THSD4: variants seen among roughly 807,000 people sequenced by gnomAD.
THSD4 encodes thrombospondin type-1 domain-containing protein 4.
THSD4 carries 69 observed loss-of-function variants against 119.0 expected under a neutral mutation model. The observed-to-expected ratio is 0.58, with a 90% confidence interval of 0.48 to 0.71. The LOEUF (loss-of-function observed/expected upper bound fraction) is 0.71. THSD4 is among the 30% of genes least tolerant of loss of function. The pLI, the probability that THSD4 is intolerant of heterozygous loss-of-function variation, is 0.00. For synonymous variants in THSD4, 524 were observed against 540.4 expected, an observed-to-expected ratio of 0.97 and a Z score of 0.42; for missense variants, 1,393 against 1,391.1, an observed-to-expected ratio of 1.00 and a Z score of -0.02.
At chr15:71,136,005 T>TTTTG (rs2040548793) in intron 1 of THSD4, among the ~76,000 whole-genome samples, 1 of 145,852 alleles carries the variant, frequency 6.9e-6, no homozygotes, top group African/African-American at 2.5e-5. Flanking sequence ...TTTTTTTTTT[T>TTTTG]TTTTTTTTTT....
intron 6 of THSD4, among the ~76,000 whole-genome samples, chr15:71,326,755 A>G (rs1299055489): frequency 8.5e-6 from 1 of 117,598 alleles, no homozygotes; most frequent in East Asian, 2.7e-4. Context: ...CATGCTTGTT[A>G]TCCCAGTTAC....
At chr15:71,758,162 T>C in intron 15 of THSD4, 87 bp downstream of exon 15, 1 of 1,436,572 alleles carries the variant, frequency 7.0e-7, no homozygotes. Context: ...TTGTGTCAGG[T>C]GTCCCAGCTT....
chr15:71,452,013 C>T (rs953692274), intron 7 of THSD4, among the ~76,000 whole-genome samples: 1 of 152,130 alleles, frequency 6.6e-6, no homozygotes, highest in African/African-American at 2.4e-5. Flanking sequence ...CCAGCCTTCC[C>T]TCAGGACCCT....
At chr15:71,284,203 T>C (rs1205953377) in intron 6 of THSD4, among the ~76,000 whole-genome samples, 4 of 152,160 alleles carry the variant, frequency 2.6e-5, no homozygotes, top group African/African-American at 7.2e-5. Flanking sequence ...TGTATGCCTG[T>C]TTGTCTTAAT....
At chr15:71,701,774 G>GA (rs1327540212) in intron 8 of THSD4, among the ~76,000 whole-genome samples, 1 of 152,084 alleles carries the variant, frequency 6.6e-6, no homozygotes, top group African/African-American at 2.4e-5. Context: ...AGATCTGGAA[G>GA]GATTCTCACT....
At position 71,704,925 on chromosome 15, in the gene THSD4, T is replaced by C. The variant is rs1053298784; in HGVS notation, c.1358-23624T>C. Among the ~76,000 whole-genome samples the C allele has an allele frequency of 5.3e-5, 8 of 152,120 alleles. No individual in the cohort carries two copies. In the South Asian group the frequency reaches 8.3e-4, roughly 16 times the overall value. On this transcript the variant is annotated intron_variant, in intron 8 of 17. Transcript: ENST00000261862. Reference sequence around the variant, plus strand: ...CATCTTCACGGACTCTGATGTAAAGTGTTTGGCCTAGGGAAGGAATAAAAA... The same window carrying C: ...CATCTTCACGGACTCTGATGTAAAGCGTTTGGCCTAGGGAAGGAATAAAAA...
At chr15:71,612,673 G>A (rs1360755054) in intron 7 of THSD4, among the ~76,000 whole-genome samples, 1 of 152,196 alleles carries the variant, frequency 6.6e-6, no homozygotes, top group African/African-American at 2.4e-5. Flanking sequence ...TCTCATGTCT[G>A]CTATGCCTTC....
At chr15:71,350,089 G>A (rs941584655) in intron 6 of THSD4, among the ~76,000 whole-genome samples, 3 of 149,704 alleles carry the variant, frequency 2.0e-5, no homozygotes, top group African/African-American at 7.4e-5. Flanking sequence ...TCCTTGCCCA[G>A]CTGGGGAGAT....
intron 7 of THSD4, among the ~76,000 whole-genome samples, chr15:71,608,249 T>TATACACACACACACACAC (rs772729777): frequency 1.9e-5 from 2 of 106,240 alleles, no homozygotes; most frequent in Admixed American, 2.3e-4. Flanking sequence ...TATATATATA[T>TATACACACACACACACAC]ACACACACAC....
At chr15:71,279,606 G>A (rs2044628783) in intron 6 of THSD4, among the ~76,000 whole-genome samples, 1 of 152,120 alleles carries the variant, frequency 6.6e-6, no homozygotes, top group Non-Finnish European at 1.5e-5. Context: ...TGGGGCATCC[G>A]TACCGCCCTG....
intron 6 of THSD4, among the ~76,000 whole-genome samples, chr15:71,296,019 T>C (rs1272183192): frequency 6.6e-6 from 1 of 152,230 alleles, no homozygotes; most frequent in Non-Finnish European, 1.5e-5. Flanking sequence ...CTCAATAATA[T>C]GGCAATTGTA....
chr15:71,652,591 G>A (rs1222854613), intron 7 of THSD4, among the ~76,000 whole-genome samples: 2 of 152,288 alleles, frequency 1.3e-5, no homozygotes, highest in East Asian at 3.9e-4. Context: ...AATTGGGGGA[G>A]GTGGTAATTA....
At chr15:71,199,513 T>TG (rs2043753122) in intron 3 of THSD4, among the ~76,000 whole-genome samples, 1 of 106,094 alleles carries the variant, frequency 9.4e-6, no homozygotes, top group Non-Finnish European at 1.9e-5. Context: ...TGTGTGTGTG[T>TG]GGGGTGTGTG....
intron 3 of THSD4, among the ~76,000 whole-genome samples, chr15:71,204,892 T>G (rs2043831009): frequency 6.6e-6 from 1 of 152,118 alleles, no homozygotes; most frequent in African/African-American, 2.4e-5. Context: ...GAAGGGGTGG[T>G]TCAAAATGCA....
At chr15:71,337,116 C>T (rs1223003945) in intron 6 of THSD4, among the ~76,000 whole-genome samples, 1 of 152,148 alleles carries the variant, frequency 6.6e-6, no homozygotes, top group Non-Finnish European at 1.5e-5. Flanking sequence ...CGCCTTGGTC[C>T]TGGGCTAGGC....
chr15:71,394,960 A>G (rs969841893), intron 6 of THSD4, among the ~76,000 whole-genome samples: 3 of 152,212 alleles, frequency 2.0e-5, no homozygotes, highest in African/African-American at 4.8e-5. Flanking sequence ...CTGGAGCTCA[A>G]TGCTGAAGGT....
In THSD4 at chr15:71,645,626, C is replaced by T. The variant is rs143465945; in HGVS notation, c.1153-14904C>T. Among the ~76,000 whole-genome samples, 408 of 152,252 alleles carry T rather than the reference C, an allele frequency of 2.7e-3. 3 individuals are homozygous for T. Among genetic ancestry groups the T allele is most frequent in the African/African-American group, 9.5e-3 (394 of 41,554 alleles). On this transcript the variant is annotated intron_variant, in intron 7 of 17. Transcript: ENST00000261862. ...GGAGGCCTGAGGCAGAGTGAGCCAC[C>T]AGAAGAAATAGGAGCTGTCCAAAAT...
At chr15:71,748,317 TCA>T in intron 13 of THSD4, 102 bp from the exon 14 acceptor site, 1 of 1,393,328 alleles carries the variant, frequency 7.2e-7, no homozygotes, top group South Asian at 1.4e-5. Flanking sequence ...TGACAGAGCC[TCA>T]GTCTCATGGG....
chr15:71,606,709 T>A (rs756041120), intron 7 of THSD4, among the ~76,000 whole-genome samples: 7 of 151,906 alleles, frequency 4.6e-5, no homozygotes, highest in Non-Finnish European at 1.0e-4. Context: ...CCTGGCTAAT[T>A]TTGTATTTTT....
Sources: gnomAD v4.1 joint callset for allele counts (sites outside exome capture counted in the v4.1 genomes callset) on GRCh38, gnomAD v4.1.1 for gene constraint, MANE v1.5 for transcripts, NCBI Gene and HGNC (gene_info 2026-07-23, HGNC 2026-07-21) for gene names.